The following LDLRAD4 variants were observed in gnomAD, a reference collection of about 807,000 sequenced individuals.
The protein encoded by LDLRAD4 is low-density lipoprotein receptor class A domain-containing protein 4.
LDLRAD4 carries 5 observed loss-of-function variants against 17.0 expected under a neutral mutation model. The observed-to-expected ratio is 0.29, with a 90% confidence interval of 0.15 to 0.62. The LOEUF (loss-of-function observed/expected upper bound fraction) is 0.62. LDLRAD4 is among the 20% of genes least tolerant of loss of function. The pLI is 0.84. For missense variants in LDLRAD4, 340 were observed against 424.7 expected (o/e 0.80, Z 1.75); for synonymous variants, 168 against 171.8 (o/e 0.98, Z 0.17).
At chr18:13,454,792 T>C (rs529355452) in intron 3 of LDLRAD4, among the ~76,000 whole-genome samples, 1 of 152,308 alleles carries the variant, frequency 6.6e-6, no homozygotes, top group South Asian at 2.1e-4. Context: ...GCTGTGACAG[T>C]CCCTGATGAA....
At chr18:13,639,874 T>C (rs1487245068) in intron 4 of LDLRAD4, among the ~76,000 whole-genome samples, 1 of 152,182 alleles carries the variant, frequency 6.6e-6, no homozygotes, top group Non-Finnish European at 1.5e-5. Flanking sequence ...CTGGTGGTGA[T>C]AGAGGAAAGT....
chr18:13,643,345 T>C lies in LDLRAD4; in HGVS notation c.337-14T>C. ...TCTTGTTCCCCCCACTCTCCTCCCC[T>C]TCCCCTCCGCCAGGAAGGGTGCCTG... On this transcript the variant is annotated splice_polypyrimidine_tract_variant and intron_variant, in intron 4 of 5. Transcript: ENST00000359446. The C allele has an allele frequency of 6.8e-7, 1 of 1,465,728 alleles. No individual in the cohort carries two copies. 90.8% of individuals were successfully genotyped at this position (1,465,728 alleles called of 1,614,324 possible).
chr18:13,416,534 A>G (rs574288821), intron 2 of LDLRAD4, among the ~76,000 whole-genome samples: 59 of 152,302 alleles, frequency 3.9e-4, no homozygotes, highest in African/African-American at 1.4e-3. Context: ...TCAGCAGAGA[A>G]CCACCGTTTG....
rs541252854 is a variant in LDLRAD4, at chr18:13,624,992, C to T, written c.336+3721C>T. Among the ~76,000 whole-genome samples the T allele has an allele frequency of 9.2e-5, 14 of 152,320 alleles. No individual in the cohort carries two copies. The South Asian group carries it at 1.0e-3, about 11-fold the overall frequency. On this transcript the variant is annotated intron_variant, in intron 4 of 5. Coordinates refer to ENST00000359446, the Ensembl canonical transcript of LDLRAD4. ...CTCTTCCTTTCTCAGCACCAATGTC[C>T]GAGGCCTTTCTCCTGCAGCACCCGA... is the stretch of plus-strand genomic sequence containing the variant.
chr18:13,642,301 GC>G, intron 4 of LDLRAD4: 2 of 991,628 alleles, frequency 2.0e-6, no homozygotes, highest in Non-Finnish European at 2.4e-6. Flanking sequence ...CCAAACGCGG[GC>G]CCCTACACGC....
At chr18:13,432,554 A>T (rs2090412657) in intron 2 of LDLRAD4, among the ~76,000 whole-genome samples, 1 of 152,244 alleles carries the variant, frequency 6.6e-6, no homozygotes, top group Non-Finnish European at 1.5e-5. Flanking sequence ...GTGAGGTCCC[A>T]TGACCATGCC....
At chr18:13,511,814 A>G (rs1371252980) in intron 3 of LDLRAD4, among the ~76,000 whole-genome samples, 1 of 152,212 alleles carries the variant, frequency 6.6e-6, no homozygotes, top group Non-Finnish European at 1.5e-5. Flanking sequence ...AAAAATCCCC[A>G]GACCTAAAAC....
intron 1 of LDLRAD4, among the ~76,000 whole-genome samples, chr18:13,297,394 C>T (rs1038981513): frequency 6.6e-6 from 1 of 152,152 alleles, no homozygotes; most frequent in Non-Finnish European, 1.5e-5. Flanking sequence ...CATTACCTAC[C>T]AGAGCTGCTG....
At chr18:13,584,303 C>T (rs1263723738) in intron 3 of LDLRAD4, among the ~76,000 whole-genome samples, 1 of 152,228 alleles carries the variant, frequency 6.6e-6, no homozygotes, top group Non-Finnish European at 1.5e-5. Context: ...TATTACTTAT[C>T]CCTTAAGACT....
chr18:13,414,982 C>T (rs1179020717), intron 2 of LDLRAD4, among the ~76,000 whole-genome samples: 2 of 152,226 alleles, frequency 1.3e-5, no homozygotes, highest in Non-Finnish European at 2.9e-5. Context: ...ATGTCCAGTG[C>T]TTACAGATAC....
chr18:13,564,700 G>T (rs1568345949), intron 3 of LDLRAD4, among the ~76,000 whole-genome samples: 1 of 151,430 alleles, frequency 6.6e-6, no homozygotes, highest in African/African-American at 2.4e-5. Context: ...CTGCGCTGCC[G>T]CCCCCCTTCC....
intron 2 of LDLRAD4, among the ~76,000 whole-genome samples, chr18:13,436,774 C>T (rs2090686907): frequency 6.6e-6 from 1 of 152,252 alleles, no homozygotes; most frequent in African/African-American, 2.4e-5. Context: ...CAGCCTCACT[C>T]TGCACACAGA....
At chr18:13,361,706 A>G (rs1318673576) in intron 1 of LDLRAD4, among the ~76,000 whole-genome samples, 1 of 152,184 alleles carries the variant, frequency 6.6e-6, no homozygotes, top group African/African-American at 2.4e-5. Flanking sequence ...CCGTGCTGAC[A>G]GCTGAGAAGG....
At chr18:13,236,178 C>T (rs774036748) in intron 1 of LDLRAD4, among the ~76,000 whole-genome samples, 1 of 152,144 alleles carries the variant, frequency 6.6e-6, no homozygotes, top group Non-Finnish European at 1.5e-5. Context: ...ACCCGTCGCT[C>T]CCGAGCTGGG....
chr18:13,389,204 T>C (rs964503628), intron 2 of LDLRAD4, among the ~76,000 whole-genome samples: 14 of 152,176 alleles, frequency 9.2e-5, no homozygotes, highest in Admixed American at 7.9e-4. Context: ...CTGTGTGTGC[T>C]TCAGCTGTTT....
chr18:13,515,945 T>G (rs2093859091), intron 3 of LDLRAD4: 1 of 152,230 alleles, frequency 6.6e-6, no homozygotes, highest in Non-Finnish European at 1.5e-5. Context: ...CCCAAGTAGC[T>G]GCGACTACAG....
intron 2 of LDLRAD4, chr18:13,420,761 A>T (rs2089369835): frequency 6.6e-6 from 1 of 152,228 alleles, no homozygotes; most frequent in African/African-American, 2.4e-5. Context: ...TCAGCCCTGA[A>T]TCCCTGCTTC....
intron 1 of LDLRAD4, among the ~76,000 whole-genome samples, chr18:13,338,851 A>G (rs55871328): frequency 9.3e-4 from 142 of 152,318 alleles, no homozygotes; most frequent in Non-Finnish European, 1.9e-3. Flanking sequence ...CTGTTTTAAA[A>G]TGATGCTTTC....
chr18:13,344,584 G>A lies in LDLRAD4; in HGVS notation c.-382-42757G>A, dbSNP rs577109873. Among the ~76,000 whole-genome samples the A allele has an allele frequency of 7.2e-5, 11 of 152,236 alleles. No homozygotes were observed. In the East Asian group the frequency reaches 1.5e-3, roughly 21 times the overall value. ...AATGTGGGCTCTTTTTTAGTTCCAT[G>A]TGAACTTTAAAGTAGTTTTTTCCAA... On this transcript the variant is annotated intron_variant, in intron 1 of 5. Coordinates refer to ENST00000359446, the Ensembl canonical transcript of LDLRAD4.
Sources: gnomAD v4.1 joint callset for allele counts (sites outside exome capture counted in the v4.1 genomes callset) on GRCh38, gnomAD v4.1.1 for gene constraint, MANE v1.5 for transcripts, NCBI Gene and HGNC (gene_info 2026-07-23, HGNC 2026-07-21) for gene names.